The following LRRFIP1 variants were observed in gnomAD, a reference collection of about 807,000 sequenced individuals.
The protein encoded by LRRFIP1 is leucine-rich repeat flightless-interacting protein 1.
A neutral mutation model predicts 104.4 loss-of-function variants in LRRFIP1; 62 were observed. The ratio of observed to expected loss-of-function variants is 0.59; its 90% confidence interval spans 0.48 to 0.73. The LOEUF is 0.73. Among genes scored for constraint, LRRFIP1 ranks in the 30% least tolerant of loss-of-function variants. The probability of loss-of-function intolerance (pLI) is 0.00; values close to 1 mark genes in which losing one functional copy is unlikely to be tolerated. For missense variants in LRRFIP1, 796 were observed against 824.5 expected, an observed-to-expected ratio of 0.97 and a Z score of 0.42; for synonymous variants, 300 against 299.0, an observed-to-expected ratio of 1.00 and a Z score of -0.03.
chr2:237,725,070 A>G (rs2094689585), intron 7 of LRRFIP1, among the ~76,000 whole-genome samples: 1 of 152,224 alleles, frequency 6.6e-6, no homozygotes, highest in Non-Finnish European at 1.5e-5. Context: ...ACTAGTCACA[A>G]GTTACCGTTT....
intron 11 of LRRFIP1, among the ~76,000 whole-genome samples, chr2:237,744,151 A>G (rs1363019788): frequency 6.6e-6 from 1 of 152,248 alleles, no homozygotes; most frequent in East Asian, 1.9e-4. Flanking sequence ...ATTCAGGCTA[A>G]AGTAAATATT....
At position 237,717,735 on chromosome 2, in the gene LRRFIP1, C is replaced by A. The variant is rs1478755698; in HGVS notation, c.202-27C>A. 3 of 1,579,712 alleles carry A rather than the reference C, an allele frequency of 1.9e-6. No individual in the cohort carries two copies. Among genetic ancestry groups the A allele is most frequent in the Non-Finnish European group, 1.7e-6 (2 of 1,148,798 alleles). On this transcript the variant is annotated intron_variant, in intron 3 of 23. Transcript: ENST00000308482. The surrounding 1 kb of genome is among the most constrained non-coding windows in gnomAD (Gnocchi z 4.2). ...CTTTTTAAGAAATTTCACTTCTTGC[C>A]TAATTTTCTTTCCCTTCTGTCTATA...
At chr2:237,772,599 C>G (rs567855332) in intron 21 of LRRFIP1, 27 of 539,308 alleles carry the variant, frequency 5.0e-5, no homozygotes, top group African/African-American at 4.7e-4. Context: ...TCCCTACCCC[C>G]TACCATCTCT....
intron 1 of LRRFIP1, among the ~76,000 whole-genome samples, chr2:237,689,848 C>T (rs956961956): frequency 6.6e-6 from 1 of 152,234 alleles, no homozygotes; most frequent in Non-Finnish European, 1.5e-5. Flanking sequence ...CACTAGGCAG[C>T]AGGCTAGCAG....
chr2:237,727,190 T>C (rs892571986), intron 7 of LRRFIP1, among the ~76,000 whole-genome samples: 6 of 151,964 alleles, frequency 3.9e-5, no homozygotes, highest in African/African-American at 1.2e-4. Flanking sequence ...ACCCCGTCTC[T>C]ACTAAAAATG....
chr2:237,685,547 C>T (rs1230538356), intron 1 of LRRFIP1, among the ~76,000 whole-genome samples: 3 of 152,158 alleles, frequency 2.0e-5, no homozygotes, highest in Non-Finnish European at 4.4e-5. Context: ...TCTTCCTGCA[C>T]AGGAAGCTCT....
chr2:237,664,133 G>A (rs1161674840), intron 1 of LRRFIP1, among the ~76,000 whole-genome samples: 2 of 152,256 alleles, frequency 1.3e-5, no homozygotes, highest in Non-Finnish European at 2.9e-5. Flanking sequence ...CTTGCAAAAG[G>A]GAGGGTCCTG....
At position 237,627,587 on chromosome 2, in the gene LRRFIP1, G is replaced by A. The variant is rs1275269288; in HGVS notation, c.-58G>A. ...GAGGGGCCGGGGCCGGGGCCGGGCC[G>A]GGGCGGCGCGAGCGGCTGGAGCAAC... On this transcript the variant is annotated 5_prime_UTR_variant, in exon 1 of 24. Coordinates refer to ENST00000308482, the MANE Select transcript of LRRFIP1 (RefSeq NM_001137550.2). 7 of 1,047,322 alleles carry A rather than the reference G, an allele frequency of 6.7e-6. No homozygotes were observed. Among genetic ancestry groups the A allele is most frequent in the East Asian group, 4.8e-5 (1 of 20,770 alleles). The allele number at this position is 1,047,322 out of a possible 1,614,324, so 64.9% of individuals were successfully genotyped here.
At chr2:237,700,746 C>T (rs1473830000) in intron 1 of LRRFIP1, among the ~76,000 whole-genome samples, 2 of 152,182 alleles carry the variant, frequency 1.3e-5, no homozygotes, top group East Asian at 3.9e-4. Flanking sequence ...AAACGGCGGG[C>T]ATGGCAGCCA....
At chr2:237,752,147 C>G (rs2058699138) in intron 14 of LRRFIP1, among the ~76,000 whole-genome samples, 1 of 152,216 alleles carries the variant, frequency 6.6e-6, no homozygotes, top group Non-Finnish European at 1.5e-5. Context: ...TGGCTCACGC[C>G]TGTAATTCCA....
chr2:237,651,171 T>C lies in LRRFIP1; in HGVS notation c.96+23431T>C, dbSNP rs2085877304. Among the ~76,000 whole-genome samples, 3 of 152,242 alleles carry C rather than the reference T, an allele frequency of 2.0e-5. No homozygotes were observed. In the South Asian group the frequency reaches 6.2e-4, roughly 31 times the overall value. ...CTAGTACGAAGAACACCTATACATC[T>C]GTCACCCAGATTCAACAAGGTTTTA... On this transcript the variant is annotated intron_variant, in intron 1 of 23. Transcript: ENST00000308482.
chr2:237,743,310 T>A (rs2057371610), intron 11 of LRRFIP1, among the ~76,000 whole-genome samples: 1 of 151,754 alleles, frequency 6.6e-6, no homozygotes, highest in African/African-American at 2.4e-5. Context: ...GGGAGGGTGG[T>A]GCTGTTAAAG....
At chr2:237,656,936 A>G (rs536882396) in intron 1 of LRRFIP1, among the ~76,000 whole-genome samples, 31 of 152,376 alleles carry the variant, frequency 2.0e-4, no homozygotes, top group Admixed American at 3.9e-4. Flanking sequence ...GAATTTTACA[A>G]TGTTACGAAG....
chr2:237,744,386 C>G (rs1320794268), intron 11 of LRRFIP1, among the ~76,000 whole-genome samples: 2 of 151,964 alleles, frequency 1.3e-5, no homozygotes, highest in Non-Finnish European at 2.9e-5. Flanking sequence ...TACCTGGGCC[C>G]TTGAGTAGGG....
intron 1 of LRRFIP1, among the ~76,000 whole-genome samples, chr2:237,682,267 A>G (rs886622162): frequency 6.6e-6 from 1 of 152,208 alleles, no homozygotes. Context: ...TGCCAGTGCA[A>G]CGGAACAAAG....
At chr2:237,743,980 A>G (rs2057468172) in intron 11 of LRRFIP1, among the ~76,000 whole-genome samples, 1 of 152,188 alleles carries the variant, frequency 6.6e-6, no homozygotes, top group Non-Finnish European at 1.5e-5. Context: ...TCCCTCGTGT[A>G]CTCAGAGAAG....
At chr2:237,761,929 C>G (rs1183827047) in intron 19 of LRRFIP1, among the ~76,000 whole-genome samples, 1 of 152,184 alleles carries the variant, frequency 6.6e-6, no homozygotes, top group Non-Finnish European at 1.5e-5. Context: ...TCATCTTGAT[C>G]TTGAACATTT....
At chr2:237,747,064 G>A (rs2057972212) in intron 11 of LRRFIP1, among the ~76,000 whole-genome samples, 2 of 152,192 alleles carry the variant, frequency 1.3e-5, no homozygotes, top group African/African-American at 2.4e-5. Flanking sequence ...GGGGTGGCTG[G>A]GCGAGACCAT....
chr2:237,743,703 A>G (rs753947690), intron 11 of LRRFIP1, among the ~76,000 whole-genome samples: 2 of 145,264 alleles, frequency 1.4e-5, no homozygotes, highest in Admixed American at 6.7e-5. Context: ...ACGCACAGAC[A>G]GGGGCAGACG....
Sources: allele counts gnomAD v4.1 joint callset (sites outside exome capture counted in the v4.1 genomes callset), GRCh38; gene constraint gnomAD v4.1.1; non-coding constraint Gnocchi (gnomAD v3.1); transcripts MANE v1.5; gene names NCBI Gene and HGNC (gene_info 2026-07-23, HGNC 2026-07-21).